The following FUT8 variants were observed in gnomAD, a reference collection of about 807,000 sequenced individuals.
The protein encoded by FUT8 is fucosyltransferase 8.
FUT8 carries 29 observed loss-of-function variants against 71.3 expected under a neutral mutation model. The ratio of observed to expected loss-of-function variants is 0.41; its 90% confidence interval spans 0.30 to 0.55. FUT8 has a LOEUF of 0.55. Ranked by LOEUF, FUT8 falls within the 20% of genes least tolerant of loss-of-function variation. The pLI, the probability that FUT8 is intolerant of heterozygous loss-of-function variation, is 0.34. For missense variants in FUT8, 544 were observed against 702.1 expected, an observed-to-expected ratio of 0.77 and a Z score of 2.55; for synonymous variants, 254 against 239.3, an observed-to-expected ratio of 1.06 and a Z score of -0.57.
chr14:65,562,768 A>T (rs1885983480), intron 3 of FUT8, among the ~76,000 whole-genome samples: 1 of 152,244 alleles, frequency 6.6e-6, no homozygotes, highest in South Asian at 2.1e-4. Context: ...AAGTGGAAAC[A>T]TCCAATTGTA....
intron 3 of FUT8, among the ~76,000 whole-genome samples, chr14:65,577,930 A>AC (rs1213651817): frequency 6.6e-6 from 1 of 152,096 alleles, no homozygotes; most frequent in Non-Finnish European, 1.5e-5. Flanking sequence ...ATAATTGCCC[A>AC]CCCTGAGCTT....
chr14:65,528,404 C>A (rs569588349), intron 2 of FUT8, among the ~76,000 whole-genome samples: 1 of 152,204 alleles, frequency 6.6e-6, no homozygotes, highest in Non-Finnish European at 1.5e-5. Flanking sequence ...TGGAAAAGTG[C>A]AGTATCAGGG....
In FUT8 at chr14:65,713,636, GC is replaced by G. The variant is rs1313468493; in HGVS notation, c.836-8138del. ...GTTGTAGTTTTTGATGATCATTGATGCTGAGCACCTCTTCATATACCTGTTT... is the reference window on the plus strand; with the variant it reads ...GTTGTAGTTTTTGATGATCATTGATGTGAGCACCTCTTCATATACCTGTTT... On this transcript the variant is annotated intron_variant, in intron 7 of 10. Coordinates refer to ENST00000673929, the MANE Select transcript of FUT8 (RefSeq NM_001371533.1). 3.3e-5 allele frequency among the ~76,000 whole-genome samples: 5 copies of G among 152,264 alleles called. No homozygotes were observed. In the East Asian group the frequency reaches 7.7e-4, roughly 24 times the overall value.
intron 7 of FUT8, among the ~76,000 whole-genome samples, chr14:65,689,129 T>C (rs185930082): frequency 5.3e-5 from 8 of 152,358 alleles, no homozygotes; most frequent in African/African-American, 1.9e-4. Context: ...GCAGCAGCAA[T>C]GAATGAGAGT....
chr14:65,637,465 A>G (rs1203705558), intron 6 of FUT8, among the ~76,000 whole-genome samples: 2 of 152,178 alleles, frequency 1.3e-5, no homozygotes, highest in East Asian at 3.8e-4. Context: ...TTAACTTGAA[A>G]TTATCTGTCT....
chr14:65,434,933 C>T (rs1019093521), intron 1 of FUT8, among the ~76,000 whole-genome samples: 1 of 151,966 alleles, frequency 6.6e-6, no homozygotes, highest in Non-Finnish European at 1.5e-5. Context: ...TATGTATCTA[C>T]CCTCATAATC....
chr14:65,631,367 A>C (rs1594837648), intron 6 of FUT8, among the ~76,000 whole-genome samples: 1 of 151,950 alleles, frequency 6.6e-6, no homozygotes, highest in Non-Finnish European at 1.5e-5. Flanking sequence ...CACCTGTTTT[A>C]GTTTCCTTTT....
intron 5 of FUT8, among the ~76,000 whole-genome samples, chr14:65,626,079 C>T (rs1162442130): frequency 6.6e-6 from 1 of 152,076 alleles, no homozygotes; most frequent in Non-Finnish European, 1.5e-5. Flanking sequence ...AATATTGGAT[C>T]ATTTTTATAA....
chr14:65,545,672 CTT>C (rs1040732417), intron 2 of FUT8, among the ~76,000 whole-genome samples: 12 of 150,906 alleles, frequency 8.0e-5, no homozygotes, highest in Admixed American at 7.9e-4. Flanking sequence ...ATTGATAACT[CTT>C]ATAACTGCAG....
At chr14:65,581,802 T>C (rs553715022) in intron 3 of FUT8, among the ~76,000 whole-genome samples, 1 of 152,268 alleles carries the variant, frequency 6.6e-6, no homozygotes, top group East Asian at 1.9e-4. Flanking sequence ...GTTCTACCCA[T>C]AATTTTCTTC....
chr14:65,489,400 T>G lies in FUT8; in HGVS notation c.-228+33682T>G, dbSNP rs147398557. ...TTAGGGAACCTGAAAGGCTTCTTTA[T>G]TAGCCTTTTTTATTTCTCCCTAAAA... On this transcript the variant is annotated intron_variant, in intron 2 of 10. Transcript: ENST00000673929. This position sits in a 1 kb window ranked among gnomAD's most constrained non-coding sequence, Gnocchi z 4.0. 1.1e-4 allele frequency among the ~76,000 whole-genome samples: 16 copies of G among 152,318 alleles called. No individual in the cohort carries two copies. Among genetic ancestry groups the G allele is most frequent in the African/African-American group, 3.6e-4 (15 of 41,590 alleles).
At chr14:65,491,426 A>T (rs557476875) in intron 2 of FUT8, among the ~76,000 whole-genome samples, 1 of 152,232 alleles carries the variant, frequency 6.6e-6, no homozygotes, top group South Asian at 2.1e-4. Context: ...TGTTTCAAGT[A>T]TTTTTACAGA....
chr14:65,374,606 T>G, the FUT8 span, among the ~76,000 whole-genome samples: 1 of 152,062 alleles, frequency 6.6e-6, no homozygotes. Context: ...TTTTTGTTTT[T>G]TTTTTTTTGA....
intron 1 of FUT8, among the ~76,000 whole-genome samples, chr14:65,417,486 C>T (rs1430062098): frequency 6.6e-6 from 1 of 152,080 alleles, no homozygotes; most frequent in Admixed American, 6.6e-5. Context: ...ACACATTTTC[C>T]TTTTAACGGA....
rs763100202 is a variant in FUT8 at position 65,416,768 on chromosome 14, A to ATT, written c.-326+3572_-326+3573dup. Among the ~76,000 whole-genome samples the ATT allele has an allele frequency of 1.6e-3, 202 of 129,236 alleles. 2 individuals carry two copies. Among genetic ancestry groups the ATT allele is most frequent in the African/African-American group, 4.5e-3 (154 of 34,314 alleles). 84.8% of individuals were successfully genotyped at this position (129,236 alleles called of 152,430 possible). ...TAGATTTAACATTTTATTTTCTTTAATTTTTTTTTTTTTTTTTTTGAGATT... is the reference window on the plus strand; with the variant it reads ...TAGATTTAACATTTTATTTTCTTTAATTTTTTTTTTTTTTTTTTTTTGAGATT... On this transcript the variant is annotated intron_variant, in intron 1 of 10. Coordinates refer to ENST00000673929, the MANE Select transcript of FUT8 (RefSeq NM_001371533.1).
intron 7 of FUT8, among the ~76,000 whole-genome samples, chr14:65,691,123 G>C (rs1390680162): frequency 6.6e-6 from 1 of 151,164 alleles, no homozygotes; most frequent in Non-Finnish European, 1.5e-5. Flanking sequence ...TTGGGGGGTG[G>C]AGGGGCAGGG....
chr14:65,609,303 A>G (rs1333447700), intron 3 of FUT8, among the ~76,000 whole-genome samples: 8 of 151,538 alleles, frequency 5.3e-5, no homozygotes, highest in Admixed American at 5.3e-4. Flanking sequence ...TCAAAAAAAA[A>G]AAAAAAATTT....
intron 7 of FUT8, among the ~76,000 whole-genome samples, chr14:65,717,033 CG>C (rs1392614760): frequency 9.3e-5 from 13 of 139,986 alleles, no homozygotes; most frequent in African/African-American, 3.0e-4. Context: ...ACTTCCCAGA[CG>C]GGGTGGCCGG....
the FUT8 span, among the ~76,000 whole-genome samples, chr14:65,370,274 C>G: frequency 7.0e-5 from 9 of 128,552 alleles, no homozygotes; most frequent in Admixed American, 1.9e-4. Flanking sequence ...GTGGCACTAT[C>G]TCCACTCACT....
Sources: gnomAD v4.1 joint callset for allele counts (sites outside exome capture counted in the v4.1 genomes callset) on GRCh38, gnomAD v4.1.1 for gene constraint, Gnocchi (gnomAD v3.1) non-coding constraint, MANE v1.5 for transcripts, NCBI Gene and HGNC (gene_info 2026-07-23, HGNC 2026-07-21) for gene names.